The following SLIT3 variants were observed in gnomAD, a reference collection of about 807,000 sequenced individuals.
SLIT3 encodes the protein slit guidance ligand 3.
Under a neutral mutation model 184.0 loss-of-function variants are expected in SLIT3, and 68 were observed. That is an observed-to-expected ratio of 0.37 (90% CI 0.30 to 0.45). SLIT3 has a LOEUF of 0.45. SLIT3 is among the 20% of genes least tolerant of loss of function. SLIT3 has a pLI of 1.00. For synonymous variants in SLIT3, 831 were observed against 828.6 expected, an observed-to-expected ratio of 1.00 and a Z score of -0.05; for missense variants, 1,707 against 2,026.0, an observed-to-expected ratio of 0.84 and a Z score of 3.02.
chr5:169,183,074 G>C (rs553106750), intron 4 of SLIT3, among the ~76,000 whole-genome samples: 1 of 152,258 alleles, frequency 6.6e-6, no homozygotes, highest in East Asian at 1.9e-4. Context: ...TACCCTCCGG[G>C]CTCAGGTTAG....
chr5:168,974,702 C>A (rs1375121055), intron 4 of SLIT3, among the ~76,000 whole-genome samples: 1 of 152,216 alleles, frequency 6.6e-6, no homozygotes, highest in Non-Finnish European at 1.5e-5. Flanking sequence ...GTGGTCACTT[C>A]TCTCTTTAGG....
intron 2 of SLIT3, among the ~76,000 whole-genome samples, chr5:169,250,122 C>A (rs1237035123): frequency 6.6e-6 from 1 of 152,228 alleles, no homozygotes; most frequent in Non-Finnish European, 1.5e-5. Context: ...CTCCTTCAGT[C>A]ACCTGCTATG....
chr5:168,936,930 G>C (rs1762176767), intron 4 of SLIT3, among the ~76,000 whole-genome samples: 1 of 152,202 alleles, frequency 6.6e-6, no homozygotes, highest in African/African-American at 2.4e-5. Flanking sequence ...GATGTACTTA[G>C]AGATTAAACA....
At chr5:169,077,172 A>G (rs1316690950) in intron 4 of SLIT3, among the ~76,000 whole-genome samples, 1 of 152,166 alleles carries the variant, frequency 6.6e-6, no homozygotes, top group East Asian at 1.9e-4. Flanking sequence ...TTTCCATTTA[A>G]TGAATTGTAA....
intron 4 of SLIT3, among the ~76,000 whole-genome samples, chr5:168,946,924 C>T (rs1440306805): frequency 2.0e-5 from 3 of 152,184 alleles, no homozygotes; most frequent in African/African-American, 7.2e-5. Context: ...GTTTCTGGAA[C>T]TAAAAATTAG....
At chr5:168,677,799 T>C (rs985490752) in intron 32 of SLIT3, among the ~76,000 whole-genome samples, 13 of 152,294 alleles carry the variant, frequency 8.5e-5, no homozygotes, top group South Asian at 2.1e-4. Context: ...TAGCAAGTGC[T>C]CAGTGAAAGG....
At chr5:169,201,371 T>C (rs143735851) in intron 3 of SLIT3, among the ~76,000 whole-genome samples, 83 of 152,326 alleles carry the variant, frequency 5.4e-4, no homozygotes, top group African/African-American at 1.9e-3. Flanking sequence ...CTAAAGATTA[T>C]TTTAGGAACA....
intron 4 of SLIT3, among the ~76,000 whole-genome samples, chr5:169,130,350 A>G (rs903885713): frequency 2.4e-4 from 36 of 152,370 alleles, no homozygotes; most frequent in African/African-American, 8.4e-4. Flanking sequence ...GTTTGTTATT[A>G]GGCTCAGCAG....
At chr5:168,907,789 C>G (rs1048632190) in intron 4 of SLIT3, among the ~76,000 whole-genome samples, 5 of 151,304 alleles carry the variant, frequency 3.3e-5, no homozygotes, top group Admixed American at 3.3e-4. Flanking sequence ...TCTGTTTATA[C>G]ATACACATGT....
In SLIT3 at chr5:168,826,198, A is replaced by G. The variant is rs182355926; in HGVS notation, c.558-2867T>C. 2.9e-3 allele frequency among the ~76,000 whole-genome samples: 443 copies of G among 152,358 alleles called. 1 individual carries two copies. The highest frequency in any genetic ancestry group is 3.7e-3 in the Non-Finnish European group (253 of 68,028). On this transcript the variant is annotated intron_variant, in intron 6 of 35. Transcript: ENST00000519560. ...ACACTGATATTTAAATGTGAGTCGTAATGAGTGCTATAAAACATTTACGAT... is the reference window on the plus strand; with the variant it reads ...ACACTGATATTTAAATGTGAGTCGTGATGAGTGCTATAAAACATTTACGAT...
chr5:168,714,759 T>TC lies in SLIT3; in HGVS notation c.2484-2406dup, dbSNP rs149597342. Among the ~76,000 whole-genome samples, 635 of 152,204 alleles carry TC rather than the reference T, an allele frequency of 4.2e-3. 4 individuals carry two copies. The highest frequency in any genetic ancestry group is 0.015 in the African/African-American group (603 of 41,524). On this transcript the variant is annotated intron_variant, in intron 23 of 35. Transcript: ENST00000519560. ...GAGAAGTGGGAGAATGAGTGCTCCT[T>TC]CCCCTTTCTCCTCCCCTTCTCCCTG...
intron 20 of SLIT3, among the ~76,000 whole-genome samples, chr5:168,736,621 C>T (rs891031650): frequency 6.8e-6 from 1 of 147,958 alleles, no homozygotes; most frequent in Non-Finnish European, 1.5e-5. Flanking sequence ...TACCTATAGC[C>T]TCATGGCAGG....
At chr5:168,860,119 G>A (rs1487184551) in intron 5 of SLIT3, among the ~76,000 whole-genome samples, 1 of 152,076 alleles carries the variant, frequency 6.6e-6, no homozygotes, top group African/African-American at 2.4e-5. Flanking sequence ...GTTGTAAAAT[G>A]CCACCGTTGA....
At chr5:168,944,033 A>T (rs958151686) in intron 4 of SLIT3, among the ~76,000 whole-genome samples, 8 of 152,188 alleles carry the variant, frequency 5.3e-5, no homozygotes, top group Non-Finnish European at 1.0e-4. Context: ...CACATTCTGA[A>T]GGTTCACTTT....
At chr5:169,158,712 G>A (rs953097059) in intron 4 of SLIT3, among the ~76,000 whole-genome samples, 1 of 151,998 alleles carries the variant, frequency 6.6e-6, no homozygotes, top group Non-Finnish European at 1.5e-5. Flanking sequence ...GGGAAGTGAG[G>A]TTTCTACACT....
chr5:169,261,077 G>A (rs1766155704), intron 1 of SLIT3, among the ~76,000 whole-genome samples: 1 of 152,232 alleles, frequency 6.6e-6, no homozygotes, highest in African/African-American at 2.4e-5. Context: ...AAGACAGACT[G>A]AAGGCTGGAT....
At chr5:168,937,135 A>G (rs950462793) in intron 4 of SLIT3, among the ~76,000 whole-genome samples, 31 of 152,030 alleles carry the variant, frequency 2.0e-4, no homozygotes, top group African/African-American at 7.5e-4. Flanking sequence ...GCTCATATGA[A>G]GCCTTGGAGT....
At chr5:169,078,432 C>T (rs895094823) in intron 4 of SLIT3, among the ~76,000 whole-genome samples, 3 of 152,106 alleles carry the variant, frequency 2.0e-5, no homozygotes, top group Non-Finnish European at 4.4e-5. Context: ...GTATTCCCAT[C>T]TTACTGAAGA....
intron 4 of SLIT3, among the ~76,000 whole-genome samples, chr5:169,124,850 CTATTA>C (rs1343670619): frequency 6.6e-5 from 10 of 151,976 alleles, no homozygotes. Context: ...TGTTTTTAGC[CTATTA>C]TATCCTGCCC....
Sources: allele counts gnomAD v4.1 joint callset (sites outside exome capture counted in the v4.1 genomes callset), GRCh38; gene constraint gnomAD v4.1.1; transcripts MANE v1.5; gene names NCBI Gene and HGNC (gene_info 2026-07-23, HGNC 2026-07-21).